RUNX3: variants seen among roughly 807,000 people sequenced by gnomAD.
The protein encoded by RUNX3 is RUNX family transcription factor 3.
RUNX3 carries 10 observed loss-of-function variants against 27.7 expected under a neutral mutation model. That is an observed-to-expected ratio of 0.36 (90% CI 0.22 to 0.61). The LOEUF (loss-of-function observed/expected upper bound fraction) is 0.61. Ranked by LOEUF, RUNX3 falls within the 20% of genes least tolerant of loss-of-function variation. The pLI, the probability that RUNX3 is intolerant of heterozygous loss-of-function variation, is 0.72. For missense variants in RUNX3, 469 were observed against 629.5 expected, an observed-to-expected ratio of 0.75 and a Z score of 2.73; for synonymous variants, 270 against 269.2, an observed-to-expected ratio of 1.00 and a Z score of -0.03.
At chr1:24,919,142 C>A in intron 3 of RUNX3, 98 bp downstream of exon 3, 1 of 699,904 alleles carries the variant, frequency 1.4e-6, no homozygotes, top group East Asian at 2.9e-5. Context: ...GACTGCAACC[C>A]CCCGAGGAGG....
intron 2 of RUNX3, among the ~76,000 whole-genome samples, chr1:24,937,686 G>C (rs914461498): frequency 7.7e-4 from 118 of 152,320 alleles, no homozygotes; most frequent in Non-Finnish European, 2.6e-4. Context: ...CACACAGTTA[G>C]GCTGCTCTAT....
chr1:24,930,468 C>T (rs969770657), upstream of RUNX3, among the ~76,000 whole-genome samples: 23 of 151,928 alleles, frequency 1.5e-4, no homozygotes, highest in African/African-American at 5.5e-4. This position sits in a 1 kb window ranked among gnomAD's most constrained non-coding sequence, Gnocchi z 4.1. Flanking sequence ...CGGAGGAGGC[C>T]CCAGTGCCAC....
At chr1:24,935,047 G>A (rs1454424067), upstream of RUNX3, among the ~76,000 whole-genome samples, 1 of 152,208 alleles carries the variant, frequency 6.6e-6, no homozygotes, top group Non-Finnish European at 1.5e-5. Flanking sequence ...CCAGTTTACA[G>A]ATGGGAACAC....
intron 2 of RUNX3, among the ~76,000 whole-genome samples, chr1:24,921,001 C>T (rs980700694): frequency 2.6e-5 from 4 of 152,172 alleles, no homozygotes; most frequent in African/African-American, 9.7e-5. Flanking sequence ...ATCCCTGCCT[C>T]TGGATCCCAC....
Position 24,927,927 on chromosome 1 carries a change from A to C in RUNX3, c.283-197T>G, listed in dbSNP as rs1381558883. 2.0e-5 allele frequency among the ~76,000 whole-genome samples: 3 copies of C among 152,190 alleles called. No individual in the cohort carries two copies. The highest frequency in any genetic ancestry group is 7.2e-5 in the African/African-American group (3 of 41,444). ...AATATCACGAAAACAAGAAGATGGA[A>C]TCTCGAGCTTCCACACCAAAATCCT... On this transcript the variant is annotated intron_variant, in intron 1 of 4. Coordinates refer to ENST00000308873, the MANE Select transcript of RUNX3 (RefSeq NM_004350.3). The surrounding 1 kb of genome is among the most constrained non-coding windows in gnomAD (Gnocchi z 5.0).
At chr1:24,907,035 G>A (rs1361608098) in intron 4 of RUNX3, among the ~76,000 whole-genome samples, 1 of 152,242 alleles carries the variant, frequency 6.6e-6, no homozygotes, top group East Asian at 1.9e-4. Flanking sequence ...CACCAGGCAT[G>A]TGTCAGTAAT....
intron 2 of RUNX3, among the ~76,000 whole-genome samples, chr1:24,957,812 A>C (rs986114369): frequency 2.0e-5 from 3 of 152,260 alleles, no homozygotes; most frequent in Non-Finnish European, 2.9e-5. Context: ...TAAGAAAATG[A>C]AACACAGAGA....
intron 2 of RUNX3, among the ~76,000 whole-genome samples, chr1:24,955,123 T>C (rs1025480183): frequency 1.3e-5 from 2 of 152,090 alleles, no homozygotes; most frequent in African/African-American, 4.8e-5. Flanking sequence ...GGTTCCTTCC[T>C]CCCCAGATCT....
At chr1:24,917,679 G>A (rs1055798996) in intron 3 of RUNX3, among the ~76,000 whole-genome samples, 1 of 152,156 alleles carries the variant, frequency 6.6e-6, no homozygotes, top group African/African-American at 2.4e-5. Flanking sequence ...CTGTTTCCTC[G>A]CAATAGCATC....
At chr1:24,933,497 T>C (rs577248743), upstream of RUNX3, among the ~76,000 whole-genome samples, 1 of 152,142 alleles carries the variant, frequency 6.6e-6, no homozygotes, top group South Asian at 2.1e-4. Context: ...CTGTGAAATG[T>C]CCAGTTCTCA....
At position 24,901,341 on chromosome 1, in the gene RUNX3, CAG is replaced by C. The variant is rs1421152153; in HGVS notation, c.*779_*780del. ...CCCCTCCCCCGCCCTGCCAAGAGAA[CAG>C]AGAGTGGATGCGTTGAGCTGGTAAA... On this transcript the variant is annotated 3_prime_UTR_variant, in exon 5 of 5. Transcript: ENST00000308873. 7 of 152,696 alleles carry C rather than the reference CAG, an allele frequency of 4.6e-5. No individual in the cohort carries two copies. In the East Asian group the frequency reaches 1.1e-3, roughly 25 times the overall value. The allele number at this position is 152,696 out of a possible 1,614,324, so 9.5% of individuals were successfully genotyped here.
At chr1:24,921,945 TTTTTAA>T (rs1402901574) in intron 2 of RUNX3, among the ~76,000 whole-genome samples, 1 of 152,140 alleles carries the variant, frequency 6.6e-6, no homozygotes, top group Non-Finnish European at 1.5e-5. Context: ...GAAGTAGGCA[TTTTTAA>T]TTTTAATTAA....
intron 2 of RUNX3, among the ~76,000 whole-genome samples, chr1:24,953,362 T>TG (rs1641819913): frequency 3.8e-5 from 1 of 26,332 alleles, no homozygotes; most frequent in South Asian, 1.3e-3. Context: ...AGACTCCGTC[T>TG]GAAAAAAAAA....
rs567363831 is a variant in RUNX3 at position 24,962,544 on chromosome 1, C to T, written c.58+1970G>A. Among the ~76,000 whole-genome samples, 8 of 152,276 alleles carry T rather than the reference C, an allele frequency of 5.3e-5. No homozygotes were observed. Among genetic ancestry groups the T allele is most frequent in the Admixed American group, 1.3e-4 (2 of 15,300 alleles). ...GGGAGACAGGCCCCCATGGCGAGCA[C>T]GTCGTGAGCAGAAATGAACAGGAGA... On this transcript the variant is annotated intron_variant, in intron 2 of 6. Coordinates refer to the RUNX3 transcript ENST00000338888. This position sits in a 1 kb window ranked among gnomAD's most constrained non-coding sequence, Gnocchi z 4.5.
rs1287787811 is a variant in RUNX3, at chr1:24,908,490, TA to T, written c.545-1074del. ...TCGAGACCCCTGTCTGTACAAAAAT[TA>T]AAAAAAAAAAAGAAAAAAGAAAAAC... On this transcript the variant is annotated intron_variant, in intron 3 of 4. Coordinates refer to ENST00000308873, the MANE Select transcript of RUNX3 (RefSeq NM_004350.3). Among the ~76,000 whole-genome samples the T allele has an allele frequency of 1.5e-3, 205 of 139,408 alleles. 1 individual carries two copies. The highest frequency in any genetic ancestry group is 3.5e-3 in the Middle Eastern group (1 of 282). The allele number at this position is 139,408 out of a possible 152,430, so 91.5% of individuals were successfully genotyped here. A position where few individuals can be genotyped will look rare whatever the true frequency, so the allele number is the denominator to read the frequency against.
At chr1:24,953,095 G>A (rs766968536) in intron 2 of RUNX3, among the ~76,000 whole-genome samples, 2 of 152,038 alleles carry the variant, frequency 1.3e-5, no homozygotes, top group Non-Finnish European at 2.9e-5. Context: ...GGCAGGGCGC[G>A]GTGGCTCAAG....
Position 24,900,731 on chromosome 1 carries a change from T to A in RUNX3, c.*1391A>T, listed in dbSNP as rs1640522038. On this transcript the variant is annotated 3_prime_UTR_variant, in exon 5 of 5. Transcript: ENST00000308873. ...ATGTCCTAGAGCCACAGAGGAGAGA[T>A]GCCCAGCGTCTCATCAGCGTTTCCC... 6.6e-6 allele frequency: 1 copy of A among 152,402 alleles called. No individual in the cohort carries two copies. 9.4% of individuals were successfully genotyped at this position (152,402 alleles called of 1,614,324 possible).
At chr1:24,954,486 C>T (rs564584906) in intron 2 of RUNX3, among the ~76,000 whole-genome samples, 11 of 152,330 alleles carry the variant, frequency 7.2e-5, no homozygotes, top group African/African-American at 2.6e-4. Context: ...GGCAGTTGCA[C>T]AGGGTCCCTT....
intron 2 of RUNX3, among the ~76,000 whole-genome samples, chr1:24,950,934 G>A (rs757976669): frequency 1.4e-4 from 21 of 152,246 alleles, no homozygotes; most frequent in Non-Finnish European, 2.4e-4. Context: ...TAGGCCGGGC[G>A]TGGTGGCTCA....
Sources: gnomAD v4.1 joint callset for allele counts (sites outside exome capture counted in the v4.1 genomes callset) on GRCh38, gnomAD v4.1.1 for gene constraint, Gnocchi (gnomAD v3.1) non-coding constraint, MANE v1.5 for transcripts, NCBI Gene and HGNC (gene_info 2026-07-23, HGNC 2026-07-21) for gene names.